The following PREX2 variants were observed in gnomAD, a reference collection of about 807,000 sequenced individuals.
The protein encoded by PREX2 is phosphatidylinositol-3,4,5-trisphosphate dependent Rac exchange factor 2.
A neutral mutation model predicts 203.2 loss-of-function variants in PREX2; 107 were observed. The ratio of observed to expected loss-of-function variants is 0.53; its 90% CI spans 0.45 to 0.62. The LOEUF is 0.62. Ranked by LOEUF, PREX2 falls within the 20% of genes least tolerant of loss-of-function variation. The probability of loss-of-function intolerance (pLI) is 0.00; values close to 1 mark genes in which losing one functional copy is unlikely to be tolerated. For synonymous variants in PREX2, 672 were observed against 663.6 expected (o/e 1.01, Z -0.19); for missense variants, 1,777 against 1,955.9 (o/e 0.91, Z 1.72).
chr8:68,130,267 G>T (rs1810980410), intron 31 of PREX2, among the ~76,000 whole-genome samples: 1 of 148,142 alleles, frequency 6.8e-6, no homozygotes, highest in Non-Finnish European at 1.5e-5. Flanking sequence ...TCCAGCCTGG[G>T]TGACAGAGCA....
At chr8:68,211,738 G>A (rs939511218) in intron 37 of PREX2, among the ~76,000 whole-genome samples, 2 of 152,156 alleles carry the variant, frequency 1.3e-5, no homozygotes, top group African/African-American at 2.4e-5. Context: ...AAATGGACAC[G>A]GGATTGGGGG....
At chr8:68,227,718 G>C (rs192703384) in intron 39 of PREX2, among the ~76,000 whole-genome samples, 20 of 152,306 alleles carry the variant, frequency 1.3e-4, no homozygotes, top group African/African-American at 4.8e-4. Context: ...ATGGACTGGA[G>C]ATGGTTGTTC....
At chr8:68,081,717 C>G (rs2890416) in intron 17 of PREX2, among the ~76,000 whole-genome samples, 80,933 of 151,844 alleles carry the variant, frequency 0.53, 21,582 homozygotes, top group South Asian at 0.56. Context: ...CTTTTTGAGA[C>G]AAAGTCTCCC....
chr8:68,210,559 C>A (rs1812723294), intron 37 of PREX2, among the ~76,000 whole-genome samples: 2 of 152,198 alleles, frequency 1.3e-5, no homozygotes, highest in South Asian at 4.1e-4. Flanking sequence ...TTTCCCATGT[C>A]ATTTCATTGT....
In PREX2 at chr8:68,199,233, C is replaced by T. The variant is rs142267232; in HGVS notation, c.4604+6708C>T. 4.1e-3 allele frequency among the ~76,000 whole-genome samples: 624 copies of T among 152,250 alleles called. 1 individual carries two copies. Among genetic ancestry groups the T allele is most frequent in the African/African-American group, 0.014 (601 of 41,556 alleles). On this transcript the variant is annotated intron_variant, in intron 37 of 39. Coordinates refer to ENST00000288368, the MANE Select transcript of PREX2 (RefSeq NM_024870.4). ...TGAGAGAAAGTCTGGCAAGACCAGC[C>T]CATTACCATTGGTAAAACACATAAT...
rs1309816810 is a variant in PREX2, at chr8:68,027,271, G to A, written c.491G>A (p.Gly164Glu). 2.5e-6 allele frequency: 4 copies of A among 1,612,242 alleles called. No individual in the cohort carries two copies. In the East Asian group the frequency reaches 6.7e-5, roughly 27 times the overall value. The change falls in exon 5 of 40, where the codon GGA becomes GAA. Residue 164 changes from glycine to glutamate, a missense_variant. Gly to Glu is a moderately conservative substitution (Grantham distance 98, BLOSUM62 -2). Coordinates refer to ENST00000288368, the MANE Select transcript of PREX2 (RefSeq NM_024870.4). ...AAGAACACAGATGTTCCCTTGGAAG[G>A]ATATTTAGTAACACCAATACAAAGA... ...GRKNTDVPLE[G>E]YLVTPIQRIC...
intron 7 of PREX2, among the ~76,000 whole-genome samples, chr8:68,041,574 TA>T (rs1396154635): frequency 6.6e-6 from 1 of 152,172 alleles, no homozygotes; most frequent in Non-Finnish European, 1.5e-5. Context: ...ATGAGTTTTT[TA>T]AAATTCCTTT....
At chr8:68,048,448 A>G (rs183349873) in intron 8 of PREX2, among the ~76,000 whole-genome samples, 1 of 152,174 alleles carries the variant, frequency 6.6e-6, no homozygotes, top group African/African-American at 2.4e-5. Flanking sequence ...ATTTCAATAT[A>G]TTCGTCAAAT....
chr8:68,052,112 A>C (rs1042735042), intron 8 of PREX2, among the ~76,000 whole-genome samples: 1 of 152,178 alleles, frequency 6.6e-6, no homozygotes, highest in African/African-American at 2.4e-5. Context: ...CAAAACAAGC[A>C]AAGTGCCACA....
intron 37 of PREX2, among the ~76,000 whole-genome samples, chr8:68,209,948 T>C (rs1404629523): frequency 6.6e-6 from 1 of 152,180 alleles, no homozygotes; most frequent in East Asian, 1.9e-4. Flanking sequence ...CTGCTAATTA[T>C]AAAACTGCAC....
chr8:67,982,417 T>C (rs1053506823), intron 1 of PREX2, among the ~76,000 whole-genome samples: 1 of 152,084 alleles, frequency 6.6e-6, no homozygotes, highest in African/African-American at 2.4e-5. Context: ...AGCAAGACCC[T>C]GTCTCTAAAA....
chr8:68,180,797 G>A (rs976934017), intron 35 of PREX2, among the ~76,000 whole-genome samples: 8 of 152,156 alleles, frequency 5.3e-5, no homozygotes, highest in African/African-American at 1.7e-4. Flanking sequence ...AATGGTTCTC[G>A]TAGGATGACA....
At chr8:67,960,563 A>G (rs190794459) in intron 1 of PREX2, among the ~76,000 whole-genome samples, 70 of 152,128 alleles carry the variant, frequency 4.6e-4, no homozygotes, top group African/African-American at 1.7e-3. Flanking sequence ...CAGGAGAGGG[A>G]GTGTTCCGGG....
intron 7 of PREX2, among the ~76,000 whole-genome samples, chr8:68,044,176 T>A (rs1227540747): frequency 6.6e-6 from 1 of 152,100 alleles, no homozygotes; most frequent in African/African-American, 2.4e-5. Flanking sequence ...TTAGTGTCTG[T>A]CAGAGTCTGA....
chr8:68,019,807 A>G (rs1435660715), intron 3 of PREX2, 136 bp downstream of exon 3: 1 of 771,040 alleles, frequency 1.3e-6, no homozygotes, highest in Non-Finnish European at 2.1e-6. Flanking sequence ...TTTAAGGCCA[A>G]TGAGATCTTC....
intron 37 of PREX2, among the ~76,000 whole-genome samples, chr8:68,214,302 A>C (rs1465478543): frequency 6.6e-6 from 1 of 152,156 alleles, no homozygotes; most frequent in African/African-American, 2.4e-5. Flanking sequence ...TGGAAGGCTG[A>C]GGAGGGAGGA....
intron 32 of PREX2, among the ~76,000 whole-genome samples, chr8:68,135,176 A>G (rs1269765465): frequency 1.3e-5 from 2 of 151,812 alleles, no homozygotes; most frequent in Non-Finnish European, 2.9e-5. Context: ...GGCATCAATT[A>G]TCTGTTGAAT....
chr8:68,052,148 C>T (rs1808542713), intron 8 of PREX2, among the ~76,000 whole-genome samples: 1 of 152,102 alleles, frequency 6.6e-6, no homozygotes, highest in African/African-American at 2.4e-5. Flanking sequence ...CCACCTTTAA[C>T]TTTCTTGTGG....
At chr8:68,069,944 G>A in intron 13 of PREX2, 60 bp downstream of exon 13, 1 of 925,006 alleles carries the variant, frequency 1.1e-6, no homozygotes, top group Non-Finnish European at 1.7e-6. Context: ...TATGTTTTAG[G>A]TAAATATTAT....
Sources: gnomAD v4.1 joint callset for allele counts (sites outside exome capture counted in the v4.1 genomes callset) on GRCh38, gnomAD v4.1.1 for gene constraint, MANE v1.5 for transcripts, NCBI Gene and HGNC (gene_info 2026-07-23, HGNC 2026-07-21) for gene names.